Variants in ITPR2 observed in about 807,000 individuals in gnomAD.
ITPR2 encodes inositol 1,4,5-trisphosphate-gated calcium channel ITPR2.
Under a neutral mutation model 317.1 loss-of-function variants are expected in ITPR2, and 207 were observed. That is an observed-to-expected ratio of 0.65 (90% confidence interval 0.58 to 0.73). ITPR2 has a LOEUF of 0.73. Ranked by LOEUF, ITPR2 falls within the 30% of genes least tolerant of loss-of-function variation. ITPR2 has a pLI of 0.00. For missense variants in ITPR2, 2,613 were observed against 3,284.0 expected (o/e 0.80, Z 4.99); for synonymous variants, 1,156 against 1,149.1 (o/e 1.01, Z -0.12).
In ITPR2 at chr12:26,556,556, A is replaced by ATTTTT. The variant is rs11312773; in HGVS notation, c.4822-186_4822-182dup. On this transcript the variant is annotated intron_variant, in intron 35 of 56. Transcript: ENST00000381340. The stretch of plus-strand genomic sequence containing the variant: ...ATGTAAGAATATTGCCTGGGTCTCT[A>ATTTTT]TTTTTTTTTTTGTGTGTGTGTGTGT... Among the ~76,000 whole-genome samples, 387 of 133,830 alleles carry ATTTTT rather than the reference A, an allele frequency of 2.9e-3. 1 individual carries two copies. Among genetic ancestry groups the ATTTTT allele is most frequent in the African/African-American group, 0.011 (360 of 33,260 alleles). 87.8% of individuals were successfully genotyped at this position (133,830 alleles called of 152,430 possible).
chr12:26,548,762 C>T (rs1944450465), intron 37 of ITPR2, among the ~76,000 whole-genome samples: 1 of 152,140 alleles, frequency 6.6e-6, no homozygotes, highest in African/African-American at 2.4e-5. Flanking sequence ...CAGGAAACTG[C>T]ACTCCTGGAA....
At chr12:26,579,878 T>C (rs373202225) in intron 33 of ITPR2, 149 bp downstream of exon 33, 2 of 520,018 alleles carry the variant, frequency 3.8e-6, no homozygotes, top group Admixed American at 7.1e-5. Flanking sequence ...TAAAGTTTGG[T>C]AAACTCAGAA....
intron 13 of ITPR2, among the ~76,000 whole-genome samples, chr12:26,666,508 A>G (rs1224165319): frequency 6.6e-6 from 1 of 152,220 alleles, no homozygotes; most frequent in Non-Finnish European, 1.5e-5. Context: ...TGCTTAAGGG[A>G]AAACAGCTAT....
intron 42 of ITPR2, among the ~76,000 whole-genome samples, chr12:26,483,362 T>C (rs963988427): frequency 2.0e-5 from 3 of 152,198 alleles, no homozygotes; most frequent in Non-Finnish European, 2.9e-5. Flanking sequence ...ATACTACTCC[T>C]TGTAGGGATG....
intron 26 of ITPR2, among the ~76,000 whole-genome samples, chr12:26,613,631 G>A (rs1591962504): frequency 6.6e-6 from 1 of 152,052 alleles, no homozygotes; most frequent in South Asian, 2.1e-4. Flanking sequence ...CAAGATGGAA[G>A]GTCTGATCAG....
Position 26,483,779 on chromosome 12 carries a change from G to A in ITPR2, c.5931C>T (p.Ile1977=). Residue 1977 remains isoleucine, a synonymous_variant, in exon 42 of 57, where the codon ATC becomes ATT. Transcript: ENST00000381340. The part of the protein sequence containing the change: ...TGGLGLLGLY[I]NEKNVALVNQ... ...TGACCAGCGCTACATTCTTCTCATT[G>A]ATGTAGAGACCCAACAGGCCCAGGC... 1.2e-6 allele frequency: 2 copies of A among 1,613,922 alleles called. No individual in the cohort carries two copies. Among genetic ancestry groups the A allele is most frequent in the Non-Finnish European group, 1.7e-6 (2 of 1,179,784 alleles).
chr12:26,602,643 T>A lies in ITPR2; in HGVS notation c.3526A>T (p.Ser1176Cys). 2.5e-6 allele frequency: 4 copies of A among 1,611,456 alleles called. No homozygotes were observed. Among genetic ancestry groups the A allele is most frequent in the Non-Finnish European group, 3.4e-6 (4 of 1,178,132 alleles). ...TCCTTTACAATCCGGTAGTTATTGC[T>A]CTTGTTGCTGTCAATCTGAGGTTTC... ...TKKPQIDSNK[S>C]NNYRIVKEIL... The change falls in exon 27 of 57, where the codon AGC becomes TGC. Residue 1176 changes from serine to cysteine, a missense_variant. Coordinates refer to ENST00000381340, the MANE Select transcript of ITPR2 (RefSeq NM_002223.4).
intron 37 of ITPR2, among the ~76,000 whole-genome samples, chr12:26,516,747 T>C (rs1258380637): frequency 6.6e-6 from 1 of 152,158 alleles, no homozygotes; most frequent in Non-Finnish European, 1.5e-5. Context: ...AAAAAGTATT[T>C]CTTTGGAAAT....
At chr12:26,808,793 C>G (rs1348731641) in intron 1 of ITPR2, among the ~76,000 whole-genome samples, 1 of 152,194 alleles carries the variant, frequency 6.6e-6, no homozygotes, top group East Asian at 1.9e-4. Context: ...CAATATGTCT[C>G]AAAATGATTA....
At chr12:26,558,907 A>C (rs7300626) in intron 35 of ITPR2, among the ~76,000 whole-genome samples, 148,787 of 152,290 alleles carry the variant, frequency 0.98, 72,766 homozygotes, top group East Asian at 1. Context: ...TCAGCCTCAA[A>C]TTCTTTCTCT....
chr12:26,665,141 C>T (rs1947595832), intron 14 of ITPR2, among the ~76,000 whole-genome samples: 1 of 152,172 alleles, frequency 6.6e-6, no homozygotes, highest in Non-Finnish European at 1.5e-5. Flanking sequence ...AGATGTAATA[C>T]AGGAGCAGTT....
intron 45 of ITPR2, among the ~76,000 whole-genome samples, chr12:26,458,785 A>C (rs1233004225): frequency 6.6e-6 from 1 of 152,218 alleles, no homozygotes; most frequent in Non-Finnish European, 1.5e-5. Context: ...GGATCTGAAC[A>C]CTGAAGCTGT....
chr12:26,777,604 T>C (rs1343236413), intron 2 of ITPR2, among the ~76,000 whole-genome samples: 1 of 152,140 alleles, frequency 6.6e-6, no homozygotes, highest in Non-Finnish European at 1.5e-5. Flanking sequence ...ATCACGGTAT[T>C]CCCAGAAGTA....
intron 2 of ITPR2, among the ~76,000 whole-genome samples, chr12:26,778,599 G>C (rs1449236713): frequency 6.6e-6 from 1 of 152,188 alleles, no homozygotes; most frequent in African/African-American, 2.4e-5. Flanking sequence ...TACCTTCACT[G>C]TCCTACTACA....
At chr12:26,511,746 T>C (rs1237570593) in intron 37 of ITPR2, among the ~76,000 whole-genome samples, 2 of 152,224 alleles carry the variant, frequency 1.3e-5, no homozygotes, top group Non-Finnish European at 2.9e-5. Context: ...GACCAATGTG[T>C]AAACATGTGT....
intron 51 of ITPR2, among the ~76,000 whole-genome samples, chr12:26,414,682 A>G (rs1940664818): frequency 6.6e-6 from 1 of 152,180 alleles, no homozygotes; most frequent in Non-Finnish European, 1.5e-5. Flanking sequence ...GCCTAACACC[A>G]CAGGAATCAC....
In ITPR2 at chr12:26,686,649, A is replaced by G. The variant is rs1565692757; in HGVS notation, c.997-17T>C. The stretch of plus-strand genomic sequence containing the variant: ...TCCATCTCTCTGTTGAGGAAGTACA[A>G]GTTTATTTACTTTTATCACGTTTCT... On this transcript the variant is annotated splice_polypyrimidine_tract_variant and intron_variant, in intron 10 of 56. Coordinates refer to ENST00000381340, the MANE Select transcript of ITPR2 (RefSeq NM_002223.4). 6.3e-7 allele frequency: 1 copy of G among 1,591,944 alleles called. No homozygotes were observed. Among genetic ancestry groups the G allele is most frequent in the Non-Finnish European group, 8.5e-7 (1 of 1,170,230 alleles).
intron 1 of ITPR2, among the ~76,000 whole-genome samples, chr12:26,809,607 A>G (rs1235575314): frequency 6.6e-6 from 1 of 152,120 alleles, no homozygotes. Flanking sequence ...TCTCTTTTAT[A>G]ATGTCAGGTT....
Position 26,655,964 on chromosome 12 carries a change from C to T in ITPR2, c.2445-112G>A, listed in dbSNP as rs557738975. 8.4e-6 allele frequency: 9 copies of T among 1,075,796 alleles called. No individual in the cohort carries two copies. The African/African-American group carries it at 1.1e-4, about 13-fold the overall frequency. The allele number at this position is 1,075,796 out of a possible 1,614,324, so 66.6% of individuals were successfully genotyped here. A position where few individuals can be genotyped will look rare whatever the true frequency, so the allele number is the denominator to read the frequency against. On this transcript the variant is annotated intron_variant, in intron 19 of 56. Transcript: ENST00000381340. The stretch of plus-strand genomic sequence containing the variant: ...AATCTTGGATAAATTAGTTAGCTTT[C>T]CTAGAGGCTGGGTCCTCATCTGTAA...
Sources: gnomAD v4.1 joint callset for allele counts (sites outside exome capture counted in the v4.1 genomes callset) on GRCh38, gnomAD v4.1.1 for gene constraint, MANE v1.5 for transcripts, NCBI Gene and HGNC (gene_info 2026-07-23, HGNC 2026-07-21) for gene names.